B3GNT2: variants seen among roughly 807,000 people sequenced by gnomAD.
The protein encoded by B3GNT2 is UDP-GlcNAc:betaGal beta-1,3-N-acetylglucosaminyltransferase 2.
In B3GNT2, 12 loss-of-function variants were observed where a neutral mutation model predicts 27.6. The ratio of observed to expected loss-of-function variants is 0.44; its 90% CI spans 0.28 to 0.71. The LOEUF is 0.71. Among genes scored for constraint, B3GNT2 ranks in the 30% least tolerant of loss-of-function variants. The pLI, the probability that B3GNT2 is intolerant of heterozygous loss-of-function variation, is 0.17. For synonymous variants in B3GNT2, 192 were observed against 189.7 expected (o/e 1.01, Z -0.10); for missense variants, 413 against 488.5 (o/e 0.85, Z 1.46).
chr2:62,210,339 A>C (rs1223982155), intron 1 of B3GNT2, among the ~76,000 whole-genome samples: 1 of 152,200 alleles, frequency 6.6e-6, no homozygotes, highest in East Asian at 1.9e-4. Context: ...TTTGTTGTGG[A>C]GATTAAATGA....
intron 1 of B3GNT2, among the ~76,000 whole-genome samples, chr2:62,214,954 A>G (rs1255464126): frequency 6.6e-6 from 1 of 152,178 alleles, no homozygotes; most frequent in African/African-American, 2.4e-5. Flanking sequence ...GCAGGGCAGA[A>G]TGGCCTCTGG....
In B3GNT2 at chr2:62,224,163, G is replaced by A. The variant is rs1674780174; in HGVS notation, c.*749G>A. Reference sequence around the variant, plus strand: ...TGTGATTCCTTAATGGCCAACTGAAGATTGAATTGCCGCTAACAACCATAT... The same window carrying A: ...TGTGATTCCTTAATGGCCAACTGAAAATTGAATTGCCGCTAACAACCATAT... On this transcript the variant is annotated 3_prime_UTR_variant, in exon 2 of 2. Transcript: ENST00000301998. 6.0e-6 allele frequency: 1 copy of A among 167,072 alleles called. No individual in the cohort carries two copies. The highest frequency in any genetic ancestry group is 1.5e-5 in the Non-Finnish European group (1 of 68,124). The allele number at this position is 167,072 out of a possible 1,614,324, so 10.3% of individuals were successfully genotyped here.
intron 1 of B3GNT2, among the ~76,000 whole-genome samples, chr2:62,203,393 G>C (rs142496528): frequency 6.6e-6 from 1 of 152,102 alleles, no homozygotes; most frequent in Non-Finnish European, 1.5e-5. Context: ...ATGTCTAGGG[G>C]ACAAGAATAG....
At chr2:62,203,917 A>G (rs550329594) in intron 1 of B3GNT2, among the ~76,000 whole-genome samples, 35 of 152,348 alleles carry the variant, frequency 2.3e-4, no homozygotes, top group African/African-American at 7.9e-4. Flanking sequence ...AAACCTGCAC[A>G]GCCAATTTCA....
intron 1 of B3GNT2, among the ~76,000 whole-genome samples, chr2:62,203,874 C>T (rs1431567303): frequency 2.0e-5 from 3 of 152,170 alleles, no homozygotes; most frequent in Admixed American, 2.0e-4. Context: ...ACCCACTTAG[C>T]TCCTGTTTCC....
At chr2:62,197,165 C>T (rs868393312) in intron 1 of B3GNT2, among the ~76,000 whole-genome samples, 2 of 152,116 alleles carry the variant, frequency 1.3e-5, no homozygotes, top group Non-Finnish European at 2.9e-5. Flanking sequence ...CTACGAGACA[C>T]CCCTCGTGGG....
At chr2:62,214,196 G>A (rs773280950) in intron 1 of B3GNT2, among the ~76,000 whole-genome samples, 1 of 152,256 alleles carries the variant, frequency 6.6e-6, no homozygotes, top group African/African-American at 2.4e-5. Context: ...TGAGGGAACA[G>A]TAGCATATTG....
intron 1 of B3GNT2, among the ~76,000 whole-genome samples, chr2:62,217,237 C>T (rs1002125221): frequency 5.9e-5 from 9 of 152,310 alleles, no homozygotes; most frequent in Admixed American, 1.3e-4. Flanking sequence ...CATAACCATA[C>T]GCAGCAGCGT....
At chr2:62,198,878 A>T (rs975922860) in intron 1 of B3GNT2, among the ~76,000 whole-genome samples, 1 of 152,176 alleles carries the variant, frequency 6.6e-6, no homozygotes, top group Non-Finnish European at 1.5e-5. Context: ...TTTTCAGCTG[A>T]TGCAGGGATA....
intron 1 of B3GNT2, among the ~76,000 whole-genome samples, chr2:62,207,236 G>A (rs991143538): frequency 6.6e-5 from 10 of 151,702 alleles, no homozygotes; most frequent in African/African-American, 2.2e-4. Flanking sequence ...TTGGAGTGCC[G>A]TGGCACGATC....
intron 1 of B3GNT2, among the ~76,000 whole-genome samples, chr2:62,199,218 C>CGTAAGCCACCGCGCCTGGCCTTA: frequency 6.6e-6 from 1 of 152,220 alleles, no homozygotes; most frequent in African/African-American, 2.4e-5. Flanking sequence ...GGATTACAGA[C>CGTAAGCCACCGCGCCTGGCCTTA]GTAAGCCACC....
At chr2:62,207,447 A>G (rs1674397473) in intron 1 of B3GNT2, among the ~76,000 whole-genome samples, 1 of 152,120 alleles carries the variant, frequency 6.6e-6, no homozygotes, top group African/African-American at 2.4e-5. Context: ...ATAGAATTGG[A>G]AAGGCAGTGG....
Position 62,223,334 on chromosome 2 carries a change from C to G in B3GNT2, c.1114C>G (p.Leu372Val), listed in dbSNP as rs746788596. The change falls in exon 2 of 2, where the codon CTG becomes GTG. Residue 372 changes from leucine to valine, a missense_variant. Physicochemically the swap from Leu to Val is conservative, Grantham distance 32. Transcript: ENST00000301998. The stretch of plus-strand genomic sequence containing the variant: ...AAATAACATCTGCTCCTATGTAGAT[C>G]TGATGTTAGTACATAGTAGAAAACC... ...NKNNICSYVD[L>V]MLVHSRKPQE... The G allele has an allele frequency of 3.1e-6, 5 of 1,614,182 alleles. No homozygotes were observed. Among genetic ancestry groups the G allele is most frequent in the Non-Finnish European group, 4.2e-6 (5 of 1,180,014 alleles).
chr2:62,211,704 AC>A (rs1256984995), intron 1 of B3GNT2, among the ~76,000 whole-genome samples: 1 of 152,122 alleles, frequency 6.6e-6, no homozygotes, highest in Non-Finnish European at 1.5e-5. Flanking sequence ...CCTGGGCCCC[AC>A]CAGCTCCTCC....
intron 1 of B3GNT2, among the ~76,000 whole-genome samples, chr2:62,200,026 G>T (rs1674235728): frequency 6.6e-6 from 1 of 152,192 alleles, no homozygotes; most frequent in Non-Finnish European, 1.5e-5. Context: ...TTACTTTGCT[G>T]CTGGAAAAAG....
At chr2:62,209,853 A>C (rs1425205296) in intron 1 of B3GNT2, among the ~76,000 whole-genome samples, 1 of 152,178 alleles carries the variant, frequency 6.6e-6, no homozygotes, top group Non-Finnish European at 1.5e-5. Context: ...CAGCTCTGAC[A>C]GGTGTTTAAG....
intron 1 of B3GNT2, among the ~76,000 whole-genome samples, chr2:62,197,333 C>T (rs964524549): frequency 1.3e-5 from 2 of 152,258 alleles, no homozygotes; most frequent in Non-Finnish European, 2.9e-5. Context: ...GCAGAACTCC[C>T]TGTACCCCCA....
chr2:62,212,514 C>G (rs181947180), intron 1 of B3GNT2, among the ~76,000 whole-genome samples: 1 of 151,932 alleles, frequency 6.6e-6, no homozygotes, highest in Non-Finnish European at 1.5e-5. Context: ...CCTCTTCACT[C>G]TGGTCCAGCA....
intron 1 of B3GNT2, among the ~76,000 whole-genome samples, chr2:62,208,216 C>G (rs1431650984): frequency 1.5e-5 from 2 of 133,212 alleles, no homozygotes; most frequent in East Asian, 5.2e-4. Context: ...TCCTTCCCCC[C>G]TTCCTTTCCC....
Sources: allele counts gnomAD v4.1 joint callset (sites outside exome capture counted in the v4.1 genomes callset), GRCh38; gene constraint gnomAD v4.1.1; transcripts MANE v1.5; gene names NCBI Gene and HGNC (gene_info 2026-07-23, HGNC 2026-07-21).